ZFPM2: variants seen among roughly 807,000 people sequenced by gnomAD.
ZFPM2 encodes the protein zinc finger protein, FOG family member 2.
A neutral mutation model predicts 98.6 loss-of-function variants in ZFPM2; 20 were observed. The ratio of observed to expected loss-of-function variants is 0.20; its 90% confidence interval spans 0.14 to 0.29. The LOEUF is 0.29. ZFPM2 is among the 10% of genes least tolerant of loss of function. The pLI is 1.00. For missense variants in ZFPM2, 1,310 were observed against 1,388.6 expected (o/e 0.94, Z 0.90); for synonymous variants, 518 against 502.7 (o/e 1.03, Z -0.41).
At chr8:105,688,933 TC>T (rs1810811612) in intron 5 of ZFPM2, among the ~76,000 whole-genome samples, 1 of 152,196 alleles carries the variant, frequency 6.6e-6, no homozygotes, top group African/African-American at 2.4e-5. Context: ...AATAAATTAC[TC>T]ATTAGTGTTC....
chr8:105,667,802 T>TA (rs1413132314), intron 5 of ZFPM2, among the ~76,000 whole-genome samples: 1 of 152,230 alleles, frequency 6.6e-6, no homozygotes, highest in East Asian at 1.9e-4. Context: ...GTTATTTTTA[T>TA]AAAAACATTT....
At chr8:105,451,021 C>T (rs1287643035) in intron 3 of ZFPM2, among the ~76,000 whole-genome samples, 1 of 151,848 alleles carries the variant, frequency 6.6e-6, no homozygotes, top group African/African-American at 2.4e-5. Flanking sequence ...GGAAAGACAG[C>T]TAATGTCTTT....
intron 3 of ZFPM2, among the ~76,000 whole-genome samples, chr8:105,540,934 T>A (rs1341013232): frequency 1.3e-5 from 2 of 152,188 alleles, no homozygotes; most frequent in East Asian, 1.9e-4. Flanking sequence ...ATTTATTTTT[T>A]AAATTATGCA....
chr8:105,422,028 C>T lies in ZFPM2; in HGVS notation c.199+2726C>T, dbSNP rs571421325. Among the ~76,000 whole-genome samples, 149 of 115,160 alleles carry T rather than the reference C, an allele frequency of 1.3e-3. 1 individual carries two copies. Among genetic ancestry groups the T allele is most frequent in the Non-Finnish European group, 2.1e-3 (133 of 62,634 alleles). 75.5% of individuals were successfully genotyped at this position (115,160 alleles called of 152,430 possible). On this transcript the variant is annotated intron_variant, in intron 2 of 7. Coordinates refer to ENST00000407775, the MANE Select transcript of ZFPM2 (RefSeq NM_012082.4). Reference sequence around the variant, plus strand: ...CACCACCGCACTCTAGCCTGTGCGACGGGAGCGAGACTCCATCTCAAAAAA... The same window carrying T: ...CACCACCGCACTCTAGCCTGTGCGATGGGAGCGAGACTCCATCTCAAAAAA...
chr8:105,593,709 T>C (rs1051643298), intron 4 of ZFPM2, among the ~76,000 whole-genome samples: 1 of 152,044 alleles, frequency 6.6e-6, no homozygotes, highest in African/African-American at 2.4e-5. Context: ...GAAGACTTTC[T>C]ATCAGTTACA....
intron 5 of ZFPM2, among the ~76,000 whole-genome samples, chr8:105,741,302 C>A (rs1332605320): frequency 6.6e-6 from 1 of 152,024 alleles, no homozygotes; most frequent in Admixed American, 6.6e-5. Context: ...TGAAACTGAG[C>A]GCCTATTAGG....
intron 1 of ZFPM2, chr8:105,387,568 T>C (rs1313215710): frequency 6.5e-6 from 1 of 153,044 alleles, no homozygotes; most frequent in African/African-American, 2.4e-5. Flanking sequence ...CGGGGCCGGC[T>C]GGCTGGCCGC....
chr8:105,327,145 A>G (rs2130658209), intron 1 of ZFPM2, among the ~76,000 whole-genome samples: 1 of 151,516 alleles, frequency 6.6e-6, no homozygotes, highest in East Asian at 1.9e-4. Flanking sequence ...ATTGAGAGAG[A>G]AAAAAAGATT....
chr8:105,384,877 A>G (rs1810952987), intron 1 of ZFPM2, among the ~76,000 whole-genome samples: 1 of 152,202 alleles, frequency 6.6e-6, no homozygotes, highest in South Asian at 2.1e-4. Context: ...TCAATAATCC[A>G]TATAACAGCA....
intron 1 of ZFPM2, among the ~76,000 whole-genome samples, chr8:105,409,226 C>A (rs964192096): frequency 7.2e-5 from 11 of 151,802 alleles, no homozygotes; most frequent in Admixed American, 2.6e-4. Context: ...AAACAGCATG[C>A]CATAATTTTA....
chr8:105,336,943 T>A (rs1026140580), intron 1 of ZFPM2, among the ~76,000 whole-genome samples: 1 of 151,824 alleles, frequency 6.6e-6, no homozygotes, highest in Non-Finnish European at 1.5e-5. Context: ...AGTTAGTTTT[T>A]GTTGTTTAGT....
At chr8:105,754,775 G>A (rs1812557262) in intron 5 of ZFPM2, among the ~76,000 whole-genome samples, 2 of 151,784 alleles carry the variant, frequency 1.3e-5, no homozygotes, top group South Asian at 2.1e-4. Flanking sequence ...AACAAAACCA[G>A]GACATTATTT....
chr8:105,342,409 G>T (rs1269769734), intron 1 of ZFPM2, among the ~76,000 whole-genome samples: 2 of 152,006 alleles, frequency 1.3e-5, no homozygotes, highest in African/African-American at 4.8e-5. Flanking sequence ...TCCTTCTCTT[G>T]ATGGAAGGGC....
intron 5 of ZFPM2, among the ~76,000 whole-genome samples, chr8:105,706,633 ACAGTGG>A (rs899209631): frequency 6.6e-6 from 1 of 152,010 alleles, no homozygotes; most frequent in African/African-American, 2.4e-5. Flanking sequence ...AGGCTGGAGT[ACAGTGG>A]CATGATCTCA....
chr8:105,740,535 A>ATT (rs1812187324), intron 5 of ZFPM2, among the ~76,000 whole-genome samples: 1 of 147,624 alleles, frequency 6.8e-6, no homozygotes, highest in Non-Finnish European at 1.5e-5. Flanking sequence ...ATGCATATAT[A>ATT]TATATATTAT....
intron 4 of ZFPM2, among the ~76,000 whole-genome samples, chr8:105,601,256 G>A (rs1308691609): frequency 6.6e-6 from 1 of 152,052 alleles, no homozygotes; most frequent in African/African-American, 2.4e-5. Context: ...AATTAACAAG[G>A]TAACATATGA....
intron 3 of ZFPM2, among the ~76,000 whole-genome samples, chr8:105,525,528 A>G (rs1814156463): frequency 1.3e-5 from 2 of 152,198 alleles, no homozygotes; most frequent in African/African-American, 2.4e-5. Flanking sequence ...TGCATGTTCC[A>G]TGTGTAAAAA....
intron 5 of ZFPM2, among the ~76,000 whole-genome samples, chr8:105,693,449 C>T (rs1810938729): frequency 6.6e-6 from 1 of 152,190 alleles, no homozygotes; most frequent in South Asian, 2.1e-4. Flanking sequence ...GCTGAGGTCT[C>T]AGCCATTTAT....
At chr8:105,520,485 G>T (rs533608946) in intron 3 of ZFPM2, among the ~76,000 whole-genome samples, 1 of 152,148 alleles carries the variant, frequency 6.6e-6, no homozygotes, top group South Asian at 2.1e-4. Flanking sequence ...AACACTAAGA[G>T]AAAAAATATA....
Sources: allele counts gnomAD v4.1 joint callset (sites outside exome capture counted in the v4.1 genomes callset), GRCh38; gene constraint gnomAD v4.1.1; transcripts MANE v1.5; gene names NCBI Gene and HGNC (gene_info 2026-07-23, HGNC 2026-07-21).